Variants in PITPNM2 observed in about 807,000 individuals in gnomAD.
PITPNM2 encodes the protein phosphatidylinositol transfer protein membrane associated 2.
In PITPNM2, 35 loss-of-function variants were observed where a neutral mutation model predicts 132.2. That is an observed-to-expected ratio of 0.26 (90% CI 0.20 to 0.35). PITPNM2 has a LOEUF of 0.35. Among genes scored for constraint, PITPNM2 ranks in the 10% least tolerant of loss-of-function variants. The probability of loss-of-function intolerance (pLI) is 1.00; values close to 1 mark genes in which losing one functional copy is unlikely to be tolerated. For synonymous variants in PITPNM2, 738 were observed against 799.2 expected (o/e 0.92, Z 1.29); for missense variants, 1,332 against 1,912.0 (o/e 0.70, Z 5.66).
In PITPNM2 at chr12:122,997,309, G is replaced by A; in HGVS notation, c.1472+16C>T. The A allele has an allele frequency of 1.2e-6, 2 of 1,611,946 alleles. No homozygotes were observed. Among genetic ancestry groups the A allele is most frequent in the Non-Finnish European group, 1.7e-6 (2 of 1,179,730 alleles). ...TGCACTGCCGGAGGCTGCAATCAAG[G>A]GCAGATGCCACTCACTTGGAGACCA... is the stretch of plus-strand genomic sequence containing the variant. On this transcript the variant is annotated intron_variant, in intron 11 of 25. Transcript: ENST00000320201.
chr12:123,079,112 T>G (rs1232829392), intron 2 of PITPNM2, among the ~76,000 whole-genome samples: 1 of 152,120 alleles, frequency 6.6e-6, no homozygotes, highest in Non-Finnish European at 1.5e-5. Flanking sequence ...CCTGGGCCCA[T>G]CTCAGGAGCT....
At chr12:123,129,345 G>A (rs2043213155) in intron 1 of PITPNM2, among the ~76,000 whole-genome samples, 1 of 151,988 alleles carries the variant, frequency 6.6e-6, no homozygotes, top group Admixed American at 6.6e-5. Flanking sequence ...GAGGCGGGCG[G>A]ATCACGAGGT....
At chr12:123,062,815 G>A (rs1334542465) in intron 2 of PITPNM2, among the ~76,000 whole-genome samples, 1 of 152,176 alleles carries the variant, frequency 6.6e-6, no homozygotes, top group Non-Finnish European at 1.5e-5. Flanking sequence ...AAGGAATTGT[G>A]GATCTGCACA....
chr12:122,995,269 G>A, intron 14 of PITPNM2, 120 bp downstream of exon 14: 2 of 1,399,336 alleles, frequency 1.4e-6, no homozygotes, highest in Non-Finnish European at 1.9e-6. Context: ...CAGGTCTCAG[G>A]CTGGGGGAAC....
chr12:122,991,615 G>A (rs572313744), intron 16 of PITPNM2: 58 of 948,860 alleles, frequency 6.1e-5, no homozygotes, highest in Non-Finnish European at 6.6e-5. Flanking sequence ...CCCCAGAGCC[G>A]TCCTGCCCAA....
Position 122,995,385 on chromosome 12 carries a change from C to A in PITPNM2, c.2054+4G>T. 6.3e-7 allele frequency: 1 copy of A among 1,584,770 alleles called. No individual in the cohort carries two copies. Among genetic ancestry groups the A allele is most frequent in the South Asian group, 1.2e-5 (1 of 85,932 alleles). On this transcript the variant is annotated splice_donor_region_variant and intron_variant, in intron 14 of 25. Transcript: ENST00000320201. ...GCAAGCCCCAGCCCCCCAGCCCTGCCCACCTGGACAGGAAGGCCTGGTGCT... is the reference window on the plus strand; with the variant it reads ...GCAAGCCCCAGCCCCCCAGCCCTGCACACCTGGACAGGAAGGCCTGGTGCT...
intron 1 of PITPNM2, among the ~76,000 whole-genome samples, chr12:123,135,379 A>G (rs534239110): frequency 8.7e-5 from 5 of 57,762 alleles, no homozygotes; most frequent in African/African-American, 4.7e-4. Context: ...CCATAGTAAC[A>G]TATGACCCCC....
rs1306456950 is a variant in PITPNM2 at position 123,009,882 on chromosome 12, T to A, written c.611A>T (p.Gln204Leu). Residue 204 changes from glutamine to leucine, a missense_variant, in exon 6 of 26, where the codon CAG becomes CTG. Gln to Leu is a moderately radical substitution (Grantham distance 113). This residue lies in a region of PITPNM2 where 122 missense variants were observed against 209.6 expected (regional missense o/e 0.58). Coordinates refer to ENST00000320201, the MANE Select transcript of PITPNM2 (RefSeq NM_020845.3). This position sits in a 1 kb window ranked among gnomAD's most constrained non-coding sequence, Gnocchi z 4.8. ...CKVEFRYWGM[Q>L]SKIERFIHDT... Reference sequence around the variant, plus strand: ...GTGGATGAACCTCTCGATCTTGGACTGCATGCCCCAGTAGCGGAACTCCAC... The same window carrying A: ...GTGGATGAACCTCTCGATCTTGGACAGCATGCCCCAGTAGCGGAACTCCAC... 1 of 1,614,042 alleles carries A rather than the reference T, an allele frequency of 6.2e-7. No homozygotes were observed. Among genetic ancestry groups the A allele is most frequent in the Non-Finnish European group, 8.5e-7 (1 of 1,180,034 alleles).
intron 16 of PITPNM2, among the ~76,000 whole-genome samples, chr12:122,991,399 G>A (rs1384098201): frequency 2.0e-5 from 3 of 152,214 alleles, no homozygotes; most frequent in Admixed American, 1.3e-4. Flanking sequence ...CCAACCCCTC[G>A]CTGGGACCAG....
chr12:123,096,963 C>T (rs1000234147), intron 2 of PITPNM2, among the ~76,000 whole-genome samples: 2 of 152,226 alleles, frequency 1.3e-5, no homozygotes, highest in African/African-American at 4.8e-5. Context: ...TAGTGCAACA[C>T]AGCTGTCCCC....
intron 2 of PITPNM2, among the ~76,000 whole-genome samples, chr12:123,041,394 C>T: frequency 6.6e-6 from 1 of 152,160 alleles, no homozygotes; most frequent in Non-Finnish European, 1.5e-5. Flanking sequence ...GGAGGAGCAG[C>T]CCTGCTGTGG....
chr12:123,017,449 G>A (rs559674668), intron 3 of PITPNM2, among the ~76,000 whole-genome samples: 3 of 152,272 alleles, frequency 2.0e-5, no homozygotes, highest in African/African-American at 7.2e-5. Context: ...CCACTTCTGG[G>A]TATGCACCCA....
At chr12:123,130,648 C>T (rs542874036) in intron 1 of PITPNM2, among the ~76,000 whole-genome samples, 15 of 152,110 alleles carry the variant, frequency 9.9e-5, no homozygotes, top group Admixed American at 4.6e-4. Context: ...GGCGTGGTGG[C>T]GGGCGCCTGT....
chr12:123,029,720 G>A (rs55830208), intron 3 of PITPNM2, among the ~76,000 whole-genome samples: 6,457 of 151,780 alleles, frequency 0.043, 452 homozygotes, highest in African/African-American at 0.15. Context: ...GCATGCATGT[G>A]TCTGTATAGG....
intron 23 of PITPNM2, among the ~76,000 whole-genome samples, 153 bp from the exon 24 acceptor site, chr12:122,986,982 A>C (rs529301975): frequency 6.6e-6 from 1 of 152,384 alleles, no homozygotes; most frequent in East Asian, 1.9e-4. Context: ...GACGTGCTGC[A>C]GCAGGCCCTT....
rs2042707593 is a variant in PITPNM2, at chr12:123,106,247, G to A, written c.-96+4138C>T. Reference sequence around the variant, plus strand: ...GAAAGTAAAATACATTCTGGGCCAGGTGTGGTGGTGTGCACCTGTAGTCCC... The same window carrying A: ...GAAAGTAAAATACATTCTGGGCCAGATGTGGTGGTGTGCACCTGTAGTCCC... On this transcript the variant is annotated intron_variant, in intron 2 of 25. Transcript: ENST00000320201. The surrounding 1 kb of genome is among the most constrained non-coding windows in gnomAD (Gnocchi z 4.4). Among the ~76,000 whole-genome samples, 1 of 152,180 alleles carries A rather than the reference G, an allele frequency of 6.6e-6. No individual in the cohort carries two copies. The highest frequency in any genetic ancestry group is 1.5e-5 in the Non-Finnish European group (1 of 68,042).
At chr12:123,018,715 T>C (rs2039544562) in intron 3 of PITPNM2, among the ~76,000 whole-genome samples, 1 of 152,076 alleles carries the variant, frequency 6.6e-6, no homozygotes, top group African/African-American at 2.4e-5. Context: ...ACCCAGAGCT[T>C]TGGCATTACA....
In PITPNM2 at chr12:122,990,541, T is replaced by C. The variant is rs371788853; in HGVS notation, c.2569+4A>G. 5.0e-6 allele frequency: 8 copies of C among 1,612,586 alleles called. No individual in the cohort carries two copies. The highest frequency in any genetic ancestry group is 6.8e-6 in the Non-Finnish European group (8 of 1,179,862). ...GAGGAGGGTGAGGGGCCTGGTATAC[T>C]CACTCTGGGCGATGCTGGATGCCGT... On this transcript the variant is annotated splice_donor_region_variant and intron_variant, in intron 17 of 25. Coordinates refer to ENST00000320201, the MANE Select transcript of PITPNM2 (RefSeq NM_020845.3).
intron 13 of PITPNM2, 64 bp downstream of exon 13, chr12:122,996,394 G>A: frequency 6.3e-7 from 1 of 1,587,732 alleles, no homozygotes. Context: ...AGGCAGGGCA[G>A]CCACCCTGGG....
Sources: allele counts gnomAD v4.1 joint callset (sites outside exome capture counted in the v4.1 genomes callset), GRCh38; gene constraint gnomAD v4.1.1; regional missense constraint gnomAD v4.1.1; non-coding constraint Gnocchi (gnomAD v3.1); transcripts MANE v1.5; gene names NCBI Gene and HGNC (gene_info 2026-07-23, HGNC 2026-07-21).